The following SYNE1 variants were observed in gnomAD, a reference collection of about 807,000 sequenced individuals.
SYNE1 encodes nesprin-1.
A neutral mutation model predicts 1,111.0 loss-of-function variants in SYNE1; 616 were observed. That is an observed-to-expected ratio of 0.55 (90% CI 0.52 to 0.59). SYNE1 has a LOEUF of 0.59. Among genes scored for constraint, SYNE1 ranks in the 20% least tolerant of loss-of-function variants. The probability of loss-of-function intolerance (pLI) is 0.00; values close to 1 mark genes in which losing one functional copy is unlikely to be tolerated. For missense variants in SYNE1, 10,006 were observed against 10,417.0 expected (o/e 0.96, Z 1.72); for synonymous variants, 3,855 against 3,825.8 (o/e 1.01, Z -0.28).
At chr6:152,177,472 G>A (rs2066769229) in intron 129 of SYNE1, among the ~76,000 whole-genome samples, 2 of 152,116 alleles carry the variant, frequency 1.3e-5, no homozygotes, top group Admixed American at 1.3e-4. Flanking sequence ...ATATGAAGAC[G>A]GGTATTATAT....
chr6:152,292,609 C>A (rs1325791358), intron 95 of SYNE1, among the ~76,000 whole-genome samples: 1 of 152,154 alleles, frequency 6.6e-6, no homozygotes, highest in Non-Finnish European at 1.5e-5. Flanking sequence ...CAGTCTATTC[C>A]AAGGTTATCC....
intron 45 of SYNE1, among the ~76,000 whole-genome samples, chr6:152,406,727 G>A (rs975568787): frequency 6.6e-6 from 1 of 151,884 alleles, no homozygotes; most frequent in African/African-American, 2.4e-5. Context: ...AATTAGCCAG[G>A]TCTGGTGGTG....
At chr6:152,200,098 T>C (rs2153352579) in intron 127 of SYNE1, among the ~76,000 whole-genome samples, 1 of 152,322 alleles carries the variant, frequency 6.6e-6, no homozygotes, top group South Asian at 2.1e-4. Context: ...CAGATTTGTA[T>C]ATGGATTTAA....
At chr6:152,517,270 A>T (rs1005307367) in intron 6 of SYNE1, among the ~76,000 whole-genome samples, 3 of 152,224 alleles carry the variant, frequency 2.0e-5, no homozygotes, top group African/African-American at 7.2e-5. Context: ...ACTGAGAAGG[A>T]AATAACTGAA....
chr6:152,449,393 T>C, intron 28 of SYNE1, 140 bp downstream of exon 28: 3 of 702,730 alleles, frequency 4.3e-6, no homozygotes, highest in Non-Finnish European at 7.6e-6. Context: ...CACAGTAATA[T>C]AAGGGGACTT....
intron 41 of SYNE1, 39 bp downstream of exon 41, chr6:152,416,348 A>C (rs1465761495): frequency 6.2e-6 from 10 of 1,610,978 alleles, no homozygotes; most frequent in Non-Finnish European, 8.5e-6. Context: ...ACAAATACAA[A>C]AGAAAAGAGA....
At chr6:152,189,921 T>C (rs555501551) in intron 127 of SYNE1, among the ~76,000 whole-genome samples, 1 of 152,354 alleles carries the variant, frequency 6.6e-6, no homozygotes, top group South Asian at 2.1e-4. Context: ...CTCTTCCTTT[T>C]ACAAAAGTTT....
At position 152,353,250 on chromosome 6, in the gene SYNE1, T is replaced by A; in HGVS notation, c.11253+13A>T. The A allele has an allele frequency of 6.2e-7, 1 of 1,614,108 alleles. No homozygotes were observed. The highest frequency in any genetic ancestry group is 8.5e-7 in the Non-Finnish European group (1 of 1,180,020). ...GGAAAGGTTGGATACAAATCTGAAG[T>A]ATGCGTGCCTACCTCCAACGTCTTC... On this transcript the variant is annotated intron_variant, in intron 69 of 145. Coordinates refer to ENST00000367255, the MANE Select transcript of SYNE1 (RefSeq NM_182961.4).
chr6:152,239,338 T>G (rs1359257401), intron 108 of SYNE1, among the ~76,000 whole-genome samples, 195 bp downstream of exon 108: 2 of 152,086 alleles, frequency 1.3e-5, no homozygotes, highest in African/African-American at 2.4e-5. Context: ...GCACAGCAGA[T>G]AGCCCAATGT....
intron 54 of SYNE1, among the ~76,000 whole-genome samples, chr6:152,386,826 G>A (rs2097533283): frequency 6.6e-6 from 1 of 152,012 alleles, no homozygotes; most frequent in Admixed American, 6.6e-5. Flanking sequence ...AGAAAAATAA[G>A]CAATAAAGAA....
rs997856677 is a variant in SYNE1 at position 152,417,032 on chromosome 6, A to C, written c.5422-17T>G. 2 of 1,613,242 alleles carry C rather than the reference A, an allele frequency of 1.2e-6. No homozygotes were observed. Among genetic ancestry groups the C allele is most frequent in the Middle Eastern group, 1.7e-4 (1 of 6,058 alleles). On this transcript the variant is annotated splice_polypyrimidine_tract_variant and intron_variant, in intron 40 of 145. Transcript: ENST00000367255. The stretch of plus-strand genomic sequence containing the variant: ...TGCGTGGTCCTGGAAGGGAAGAGAG[A>C]GTTATTGATTCCTGAGATACACTAC...
In SYNE1 at chr6:152,442,175, T is replaced by A. The variant is rs1200954794; in HGVS notation, c.3908A>T (p.Glu1303Val). Residue 1303 changes from glutamate to valine, a missense_variant, in exon 31 of 146, where the codon GAA becomes GTA. Transcript: ENST00000367255. ...GTGGCCTCGGTCAGGCAGCCCCCCT[T>A]CTCCCTGCTGCGCCTGCGCGATCTG... ...QQQIAQAQQGEGGLPDRGHEE... is the reference protein window; with the variant it reads ...QQQIAQAQQGVGGLPDRGHEE... 1 of 1,613,764 alleles carries A rather than the reference T, an allele frequency of 6.2e-7. No homozygotes were observed. Among genetic ancestry groups the A allele is most frequent in the East Asian group, 2.2e-5 (1 of 44,876 alleles).
chr6:152,584,261 A>G (rs1051905895), intron 3 of SYNE1, among the ~76,000 whole-genome samples: 1 of 152,134 alleles, frequency 6.6e-6, no homozygotes, highest in Non-Finnish European at 1.5e-5. Flanking sequence ...GGAGAGAGAG[A>G]GAGAGAGACA....
intron 131 of SYNE1, among the ~76,000 whole-genome samples, chr6:152,157,642 C>T (rs1468747203): frequency 6.6e-6 from 1 of 152,104 alleles, no homozygotes. Flanking sequence ...TTGATCATTA[C>T]ACAGTTTATG....
intron 124 of SYNE1, among the ~76,000 whole-genome samples, chr6:152,210,330 T>C (rs1303886476): frequency 6.6e-6 from 1 of 152,222 alleles, no homozygotes; most frequent in Non-Finnish European, 1.5e-5. Flanking sequence ...TTTTACTTAA[T>C]GACTCAAACA....
chr6:152,221,482 C>T lies in SYNE1; in HGVS notation c.21600G>A (p.Glu7200=). ...GAGTTTCTGTCACGGGTGGGTGACA[C>T]TCTTTTAATAATTGGTTGGTGATAG... The part of the protein sequence containing the change: ...FGSITNQLLK[E]CHPPVTETLT... Residue 7200 remains glutamate (E), a synonymous_variant, in exon 118 of 146, where the codon GAG becomes GAA. Coordinates refer to ENST00000367255, the MANE Select transcript of SYNE1 (RefSeq NM_182961.4). 1 of 1,613,872 alleles carries T rather than the reference C, an allele frequency of 6.2e-7. No homozygotes were observed. Among genetic ancestry groups the T allele is most frequent in the Non-Finnish European group, 8.5e-7 (1 of 1,179,922 alleles).
At chr6:152,297,405 T>C (rs956607797) in intron 93 of SYNE1, among the ~76,000 whole-genome samples, 1 of 152,088 alleles carries the variant, frequency 6.6e-6, no homozygotes, top group African/African-American at 2.4e-5. Flanking sequence ...CCCACAACAC[T>C]GTACTGCCCT....
chr6:152,263,388 C>A (rs929730273), intron 100 of SYNE1, among the ~76,000 whole-genome samples: 5 of 151,778 alleles, frequency 3.3e-5, no homozygotes, highest in Admixed American at 3.3e-4. Flanking sequence ...TGGTATGGCT[C>A]TTATTTATTT....
intron 126 of SYNE1, among the ~76,000 whole-genome samples, chr6:152,204,934 G>A (rs897596660): frequency 5.3e-5 from 8 of 152,226 alleles, no homozygotes; most frequent in Admixed American, 1.3e-4. Context: ...TACAGGATGA[G>A]TTACAATGTT....
Sources: allele counts gnomAD v4.1 joint callset (sites outside exome capture counted in the v4.1 genomes callset), GRCh38; gene constraint gnomAD v4.1.1; transcripts MANE v1.5; gene names NCBI Gene and HGNC (gene_info 2026-07-23, HGNC 2026-07-21).